TMEM131: variants seen among roughly 807,000 people sequenced by gnomAD.
The protein encoded by TMEM131 is 2610524E03Rik.
In TMEM131, 66 loss-of-function variants were observed where a neutral mutation model predicts 211.6. That is an observed-to-expected ratio of 0.31 (90% CI 0.26 to 0.38). TMEM131 has a LOEUF of 0.38. Ranked by LOEUF, TMEM131 falls within the 10% of genes least tolerant of loss-of-function variation. The probability of loss-of-function intolerance (pLI) is 1.00; values close to 1 mark genes in which losing one functional copy is unlikely to be tolerated. For missense variants in TMEM131, 2,036 were observed against 2,299.3 expected, an observed-to-expected ratio of 0.89 and a Z score of 2.34; for synonymous variants, 844 against 841.3, an observed-to-expected ratio of 1.00 and a Z score of -0.06.
chr2:97,811,293 T>A, intron 17 of TMEM131, 61 bp from the exon 18 acceptor site: 1 of 1,277,462 alleles, frequency 7.8e-7, no homozygotes, highest in Admixed American at 1.7e-5. Context: ...CCTATTAAAA[T>A]GGACATGAAG....
intron 7 of TMEM131, among the ~76,000 whole-genome samples, chr2:97,839,578 T>G (rs560250418): frequency 6.6e-6 from 1 of 152,210 alleles, no homozygotes; most frequent in African/African-American, 2.4e-5. Context: ...GAATATATTA[T>G]GTGTAAACAA....
chr2:97,805,318 A>C, intron 21 of TMEM131, 58 bp downstream of exon 21: 1 of 1,584,812 alleles, frequency 6.3e-7, no homozygotes, highest in Admixed American at 1.8e-5. Context: ...GCGGCCTCTT[A>C]CTAAAAGAGT....
intron 2 of TMEM131, among the ~76,000 whole-genome samples, chr2:97,917,073 G>A (rs887518108): frequency 6.6e-6 from 1 of 152,030 alleles, no homozygotes; most frequent in Non-Finnish European, 1.5e-5. Context: ...TTTCTCCTGG[G>A]AGAACATTAA....
At chr2:97,874,029 A>T (rs865974240) in intron 4 of TMEM131, among the ~76,000 whole-genome samples, 3 of 152,352 alleles carry the variant, frequency 2.0e-5, no homozygotes, top group Middle Eastern at 3.4e-3. Flanking sequence ...AAGAACATAA[A>T]TGACCCGATG....
chr2:97,762,203 G>A lies in TMEM131; in HGVS notation c.4724-3C>T, dbSNP rs1353745635. The A allele has an allele frequency of 6.2e-7, 1 of 1,613,510 alleles. No homozygotes were observed. Among genetic ancestry groups the A allele is most frequent in the South Asian group, 1.1e-5 (1 of 91,040 alleles). ...AAGTTTATAAAGACTATCAGTAGCTGGAAATTAAAAACAAACGGGCTCGTT... is the reference window on the plus strand; with the variant it reads ...AAGTTTATAAAGACTATCAGTAGCTAGAAATTAAAAACAAACGGGCTCGTT... On this transcript the variant is annotated splice_polypyrimidine_tract_variant and splice_region_variant and intron_variant, in intron 35 of 40. Transcript: ENST00000186436.
At chr2:97,900,957 T>C (rs563668773) in intron 3 of TMEM131, among the ~76,000 whole-genome samples, 1 of 152,322 alleles carries the variant, frequency 6.6e-6, no homozygotes, top group South Asian at 2.1e-4. Context: ...TTAGCATTCC[T>C]GATGACTGGC....
intron 3 of TMEM131, among the ~76,000 whole-genome samples, chr2:97,901,447 G>C (rs1420460699): frequency 6.6e-6 from 1 of 152,096 alleles, no homozygotes; most frequent in African/African-American, 2.4e-5. Context: ...TTTATCCAAA[G>C]GGAAAGAAAT....
chr2:97,902,928 C>CA (rs1429529802), intron 3 of TMEM131, among the ~76,000 whole-genome samples: 1 of 152,158 alleles, frequency 6.6e-6, no homozygotes, highest in African/African-American at 2.4e-5. Context: ...GTTTGGGACT[C>CA]AGACTGGCTC....
intron 25 of TMEM131, among the ~76,000 whole-genome samples, chr2:97,800,471 C>T (rs1338112603): frequency 2.0e-5 from 3 of 151,916 alleles, no homozygotes; most frequent in Admixed American, 6.6e-5. Context: ...CAGAGTGGGC[C>T]GGGCACTGTG....
chr2:97,894,801 T>C (rs186097909), intron 3 of TMEM131, among the ~76,000 whole-genome samples: 96 of 152,334 alleles, frequency 6.3e-4, no homozygotes, highest in Non-Finnish European at 1.3e-4. Context: ...AAATATACCA[T>C]CATTTCATCT....
intron 1 of TMEM131, among the ~76,000 whole-genome samples, chr2:97,944,351 G>A (rs1352047517): frequency 5.9e-5 from 9 of 152,166 alleles, no homozygotes; most frequent in Admixed American, 2.0e-4. Flanking sequence ...AGACCTCAGT[G>A]TAAGAGATAA....
intron 1 of TMEM131, among the ~76,000 whole-genome samples, chr2:97,940,997 A>G (rs1677699008): frequency 6.6e-6 from 1 of 152,184 alleles, no homozygotes; most frequent in Admixed American, 6.5e-5. Context: ...TGGAACCAAA[A>G]AAGAACCCAC....
At chr2:97,878,367 T>C (rs1336848865) in intron 4 of TMEM131, among the ~76,000 whole-genome samples, 1 of 152,218 alleles carries the variant, frequency 6.6e-6, no homozygotes. Context: ...CCCAAAGGAC[T>C]ATAAATCATT....
chr2:97,928,750 A>G (rs1264508891), intron 1 of TMEM131, among the ~76,000 whole-genome samples: 1 of 151,782 alleles, frequency 6.6e-6, no homozygotes, highest in Admixed American at 6.6e-5. Flanking sequence ...CTGAAATCGA[A>G]CAATTAAGTA....
At chr2:97,989,642 A>G (rs1366852189) in intron 1 of TMEM131, among the ~76,000 whole-genome samples, 1 of 152,216 alleles carries the variant, frequency 6.6e-6, no homozygotes, top group Non-Finnish European at 1.5e-5. Context: ...TAGAAAATAA[A>G]TAAATGAAAA....
intron 1 of TMEM131, among the ~76,000 whole-genome samples, chr2:97,943,090 A>G (rs1458548061): frequency 6.8e-6 from 1 of 146,782 alleles, no homozygotes; most frequent in Admixed American, 6.9e-5. Flanking sequence ...AGAAAGAAAG[A>G]AAGAAAGAAA....
chr2:97,980,283 GATTTGTGTCAGGCAGGATTGCCAC>G (rs1679729436), intron 1 of TMEM131, among the ~76,000 whole-genome samples: 1 of 152,194 alleles, frequency 6.6e-6, no homozygotes, highest in Non-Finnish European at 1.5e-5. Context: ...GGTGCTAATA[GATTTGTGTCAGGCAGGATTGCCAC>G]AAACCTTCCA....
intron 26 of TMEM131, 88 bp from the exon 27 acceptor site, chr2:97,797,074 A>C: frequency 7.5e-7 from 1 of 1,324,620 alleles, no homozygotes; most frequent in Non-Finnish European, 1.0e-6. Context: ...TTTACAGAGC[A>C]CCACATAGAA....
intron 4 of TMEM131, among the ~76,000 whole-genome samples, chr2:97,885,945 T>C (rs954328368): frequency 6.6e-6 from 1 of 152,230 alleles, no homozygotes; most frequent in African/African-American, 2.4e-5. Flanking sequence ...CAATACATCC[T>C]GTAGGCTTTC....
Sources: allele counts gnomAD v4.1 joint callset (sites outside exome capture counted in the v4.1 genomes callset), GRCh38; gene constraint gnomAD v4.1.1; transcripts MANE v1.5; gene names NCBI Gene and HGNC (gene_info 2026-07-23, HGNC 2026-07-21).